ANKRD18B: variants seen among roughly 807,000 people sequenced by gnomAD.
ANKRD18B encodes the protein ankyrin repeat domain-containing protein 18B.
Under a neutral mutation model 111.8 loss-of-function variants are expected in ANKRD18B, and 75 were observed. The ratio of observed to expected loss-of-function variants is 0.67; its 90% CI spans 0.56 to 0.81. ANKRD18B has a LOEUF of 0.81. Among genes scored for constraint, ANKRD18B ranks in the 40% least tolerant of loss-of-function variants. The probability of loss-of-function intolerance (pLI) is 0.00; values close to 1 mark genes in which losing one functional copy is unlikely to be tolerated. For missense variants in ANKRD18B, 1,038 were observed against 1,225.5 expected, an observed-to-expected ratio of 0.85 and a Z score of 2.28; for synonymous variants, 356 against 417.3, an observed-to-expected ratio of 0.85 and a Z score of 1.79.
At chr9:33,538,645 A>C (rs1341707008) in intron 6 of ANKRD18B, among the ~76,000 whole-genome samples, 1 of 152,106 alleles carries the variant, frequency 6.6e-6, no homozygotes, top group African/African-American at 2.4e-5. Flanking sequence ...CTGAGGCAGG[A>C]GAATTGCTTG....
intron 12 of ANKRD18B, among the ~76,000 whole-genome samples, chr9:33,550,995 G>A (rs146131560): frequency 0.087 from 13,277 of 152,162 alleles, 594 homozygotes; most frequent in South Asian, 0.1. Context: ...GCAGCTGTGC[G>A]TATTCATTTC....
chr9:33,554,203 A>AAAAG (rs1828489824), intron 12 of ANKRD18B, among the ~76,000 whole-genome samples: 2 of 151,264 alleles, frequency 1.3e-5, no homozygotes, highest in African/African-American at 4.8e-5. Flanking sequence ...GAAAGAAAGA[A>AAAAG]AAAGAAAGGA....
intron 4 of ANKRD18B, 85 bp downstream of exon 4, chr9:33,533,630 T>C: frequency 6.9e-7 from 1 of 1,449,590 alleles, no homozygotes; most frequent in Non-Finnish European, 9.1e-7. Context: ...GTCAGAAATG[T>C]TAATAAGATT....
rs1219806648 is a variant in ANKRD18B at position 33,572,331 on chromosome 9, G to T, written c.3239G>T (p.Gly1080Val). Reference sequence around the variant, plus strand: ...TTCTTTCCAGCTTTTGCTGCGTTGGGCCCTTGCTCCTATCTACTTTCTTCT... The same window carrying T: ...TTCTTTCCAGCTTTTGCTGCGTTGGTCCCTTGCTCCTATCTACTTTCTTCT... ...TETKKTFAAL[G>V]PCSYLLSSLE... Residue 1080 changes from glycine (G) to valine (V), a missense_variant, in exon 19 of 19, where the codon GGC (glycine) becomes GTC (valine). Transcript: ENST00000684830. 1.6e-5 allele frequency: 26 copies of T among 1,611,116 alleles called. No individual in the cohort carries two copies. The highest frequency in any genetic ancestry group is 1.7e-4 in the Middle Eastern group (1 of 6,026).
Position 33,558,040 on chromosome 9 carries a change from G to A in ANKRD18B, c.2331-18G>A, listed in dbSNP as rs1330470068. ...ACTCTTAAAAATTCTTGACTTACCA[G>A]TTCTTACATTTCTGCAGATATAAGA... On this transcript the variant is annotated intron_variant, in intron 13 of 18. Transcript: ENST00000684830. The A allele has an allele frequency of 7.1e-6, 11 of 1,557,880 alleles. No individual in the cohort carries two copies. Among genetic ancestry groups the A allele is most frequent in the Non-Finnish European group, 9.6e-6 (11 of 1,148,070 alleles).
chr9:33,558,303 A>C, intron 14 of ANKRD18B, 116 bp downstream of exon 14: 3 of 1,202,276 alleles, frequency 2.5e-6, no homozygotes, highest in Non-Finnish European at 3.4e-6. Flanking sequence ...TCAATCCATC[A>C]CCTAGGTATT....
chr9:33,532,124 T>C (rs145061812), intron 3 of ANKRD18B, among the ~76,000 whole-genome samples: 7,144 of 151,952 alleles, frequency 0.047, 209 homozygotes, highest in African/African-American at 0.066. Flanking sequence ...GTTCCAGCTA[T>C]TTGGGAGGCT....
chr9:33,575,395 C>T (rs1208879915), downstream of ANKRD18B, among the ~76,000 whole-genome samples: 1 of 152,228 alleles, frequency 6.6e-6, no homozygotes, highest in African/African-American at 2.4e-5. Flanking sequence ...CCAGATGGCA[C>T]CTGGGCCTTG....
intron 1 of ANKRD18B, among the ~76,000 whole-genome samples, chr9:33,525,737 ACTATATATATTT>A (rs1828016703): frequency 2.7e-5 from 4 of 150,698 alleles, no homozygotes; most frequent in Admixed American, 2.6e-4. Flanking sequence ...AAAAATATTT[ACTATATATATTT>A]TTACTAATAT....
intron 10 of ANKRD18B, among the ~76,000 whole-genome samples, chr9:33,544,625 G>A (rs1471409231): frequency 6.6e-6 from 1 of 152,062 alleles, no homozygotes; most frequent in Non-Finnish European, 1.5e-5. Flanking sequence ...ATCATGTGAG[G>A]TCAGGAGTTC....
chr9:33,574,056 C>T (rs1319796220), downstream of ANKRD18B, among the ~76,000 whole-genome samples: 1 of 140,676 alleles, frequency 7.1e-6, no homozygotes, highest in African/African-American at 2.5e-5. Context: ...TCAGTGAGAG[C>T]CTGGTCAGAG....
chr9:33,559,202 A>G (rs1323031326), intron 14 of ANKRD18B, among the ~76,000 whole-genome samples: 2 of 152,142 alleles, frequency 1.3e-5, no homozygotes, highest in Non-Finnish European at 2.9e-5. Context: ...TCAGACTTGA[A>G]ATGCATCAGG....
At chr9:33,544,287 C>A (rs1483436421) in intron 10 of ANKRD18B, among the ~76,000 whole-genome samples, 1 of 152,116 alleles carries the variant, frequency 6.6e-6, no homozygotes, top group African/African-American at 2.4e-5. Context: ...TAGTTATAAT[C>A]CAGTAACTTA....
chr9:33,567,354 C>T, intron 16 of ANKRD18B, 40 bp downstream of exon 16: 2 of 1,493,188 alleles, frequency 1.3e-6, no homozygotes, highest in Non-Finnish European at 1.8e-6. Context: ...GAATTAAACT[C>T]ATTAATTTGT....
At chr9:33,549,777 AT>A (rs961092797) in intron 11 of ANKRD18B, among the ~76,000 whole-genome samples, 1 of 152,172 alleles carries the variant, frequency 6.6e-6, no homozygotes, top group African/African-American at 2.4e-5. Context: ...AATGTGGTAA[AT>A]TTTAGCAAAA....
intron 6 of ANKRD18B, among the ~76,000 whole-genome samples, chr9:33,538,354 C>T (rs1195136761): frequency 6.6e-6 from 1 of 152,172 alleles, no homozygotes; most frequent in Non-Finnish European, 1.5e-5. Flanking sequence ...AAGGTGGAAC[C>T]TCATGAGATA....
Position 33,566,236 on chromosome 9 carries a change from C to T in ANKRD18B, c.2478C>T (p.Ala826=), listed in dbSNP as rs62559879. The T allele has an allele frequency of 0.23, 353,246 of 1,553,244 alleles. 42,097 individuals are homozygous for T. Among genetic ancestry groups the T allele is most frequent in the Non-Finnish European group, 0.24 (276,279 of 1,145,944 alleles). The stretch of plus-strand genomic sequence containing the variant: ...TAATGCAGTTTGATGATCTTATGGC[C>T]GAGAAGGAAGCTGTATCTTCAAAAT... ...KLKQKFDDLM[A]EKEAVSSKCV... Residue 826 remains alanine, a synonymous_variant, in exon 15 of 19, where the codon GCC becomes GCT. Transcript: ENST00000684830.
At position 33,528,710 on chromosome 9, in the gene ANKRD18B, C is replaced by T. The variant is rs760791427; in HGVS notation, c.207-17C>T. ...ATATTGCACTACATTTCCTGAAAAC[C>T]CCTCTCGCTCTCCTAGGACTGTTCT... On this transcript the variant is annotated splice_polypyrimidine_tract_variant and intron_variant, in intron 1 of 18. Transcript: ENST00000684830. The T allele has an allele frequency of 1.3e-6, 2 of 1,562,886 alleles. No individual in the cohort carries two copies. The highest frequency in any genetic ancestry group is 2.3e-5 in the East Asian group (1 of 44,144).
At chr9:33,536,054 AG>A (rs1828196210) in intron 5 of ANKRD18B, among the ~76,000 whole-genome samples, 3 of 152,010 alleles carry the variant, frequency 2.0e-5, no homozygotes. Context: ...AGGACCAAAA[AG>A]GTGCAGCCTC....
Sources: allele counts gnomAD v4.1 joint callset (sites outside exome capture counted in the v4.1 genomes callset), GRCh38; gene constraint gnomAD v4.1.1; transcripts MANE v1.5; gene names NCBI Gene and HGNC (gene_info 2026-07-23, HGNC 2026-07-21).